Variants in NRG2 observed in about 807,000 individuals in gnomAD.
NRG2 encodes pro-neuregulin-2, membrane-bound isoform.
NRG2 carries 27 observed loss-of-function variants against 73.9 expected under a neutral mutation model. That is an observed-to-expected ratio of 0.37 (90% CI 0.27 to 0.50). The LOEUF (loss-of-function observed/expected upper bound fraction) is 0.50, where lower values mean the gene tolerates loss of function less well. Ranked by LOEUF, NRG2 falls within the 20% of genes least tolerant of loss-of-function variation. NRG2 has a pLI of 0.96. For synonymous variants in NRG2, 532 were observed against 541.0 expected, an observed-to-expected ratio of 0.98 and a Z score of 0.23; for missense variants, 1,126 against 1,210.1, an observed-to-expected ratio of 0.93 and a Z score of 1.03.
chr5:139,849,149 G>GT (rs1156793190), intron 9 of NRG2, among the ~76,000 whole-genome samples: 2 of 152,116 alleles, frequency 1.3e-5, no homozygotes, highest in Non-Finnish European at 1.5e-5. Context: ...CACTCAGAAC[G>GT]TTTAATTCTA....
chr5:139,973,838 C>A (rs1333661134), intron 1 of NRG2, among the ~76,000 whole-genome samples: 2 of 152,112 alleles, frequency 1.3e-5, no homozygotes, highest in African/African-American at 4.8e-5. Context: ...GCCTCACATA[C>A]TTTTAAATGA....
chr5:139,986,169 G>A (rs1757159965), intron 1 of NRG2, among the ~76,000 whole-genome samples: 1 of 152,168 alleles, frequency 6.6e-6, no homozygotes, highest in African/African-American at 2.4e-5. Flanking sequence ...TCTTCATACT[G>A]CACAAGAAGA....
At position 139,898,667 on chromosome 5, in the gene NRG2, C is replaced by T. The variant is rs182646026; in HGVS notation, c.701-11156G>A. 1.6e-3 allele frequency among the ~76,000 whole-genome samples: 250 copies of T among 152,306 alleles called. 1 individual carries two copies. Among genetic ancestry groups the T allele is most frequent in the African/African-American group, 5.9e-3 (244 of 41,554 alleles). ...CTACTGCAGGAGCTCCTGACTGTGC[C>T]GTCCCTTTTCCCATCCTTTCACAAA... On this transcript the variant is annotated intron_variant, in intron 1 of 9. Coordinates refer to ENST00000361474, the MANE Select transcript of NRG2 (RefSeq NM_004883.3).
intron 3 of NRG2, 107 bp downstream of exon 3, chr5:139,880,749 G>T: frequency 1.4e-6 from 1 of 722,076 alleles, no homozygotes; most frequent in South Asian, 1.8e-5. Flanking sequence ...AGGAGGGAGG[G>T]GAGTTGAGTG....
intron 1 of NRG2, among the ~76,000 whole-genome samples, chr5:140,021,174 G>A (rs942643528): frequency 2.0e-4 from 30 of 152,336 alleles, no homozygotes; most frequent in African/African-American, 7.0e-4. Context: ...TGGTAGGTAA[G>A]AAAAGCAAAT....
Position 139,848,014 on chromosome 5 carries a change from CT to C in NRG2, c.2455del (p.Arg819GlyfsTer48). 1 of 1,512,628 alleles carries C rather than the reference CT, an allele frequency of 6.6e-7. No individual in the cohort carries two copies. The highest frequency in any genetic ancestry group is 8.8e-7 in the Non-Finnish European group (1 of 1,135,150). The allele number at this position is 1,512,628 out of a possible 1,614,324, so 93.7% of individuals were successfully genotyped here. On this transcript the variant is annotated frameshift_variant, in exon 10 of 10. Transcript: ENST00000361474. LOFTEE classifies it high-confidence loss of function. Reference sequence around the variant, plus strand: ...GTGGCTGTCCAGTGAGTAGTAAGTCCTGCTGTCGGCCGCCGGGCACAGTGGC... The same window carrying C: ...GTGGCTGTCCAGTGAGTAGTAAGTCCGCTGTCGGCCGCCGGGCACAGTGGC... ...SPPLCPAADS[R>X]TYYSLDSHST...
At chr5:140,026,135 A>T (rs930491757) in intron 1 of NRG2, among the ~76,000 whole-genome samples, 1 of 152,264 alleles carries the variant, frequency 6.6e-6, no homozygotes, top group Non-Finnish European at 1.5e-5. Flanking sequence ...TAAAGGATAC[A>T]AATGTAAAAT....
intron 2 of NRG2, among the ~76,000 whole-genome samples, chr5:139,881,303 G>C (rs1489268981): frequency 6.6e-6 from 1 of 152,196 alleles, no homozygotes; most frequent in Non-Finnish European, 1.5e-5. Context: ...CCTGTAGGAA[G>C]TCACATGGCC....
chr5:139,881,007 G>A (rs768815394), intron 2 of NRG2, 33 bp from the exon 3 acceptor site: 37 of 1,583,274 alleles, frequency 2.3e-5, no homozygotes, highest in Admixed American at 5.0e-5. Flanking sequence ...GGGGAGAGGC[G>A]TGAGCCAGGG....
At chr5:139,859,698 T>C (rs532783738) in intron 5 of NRG2, among the ~76,000 whole-genome samples, 5 of 152,298 alleles carry the variant, frequency 3.3e-5, no homozygotes, top group African/African-American at 1.2e-4. Flanking sequence ...CTTCTGTTCA[T>C]GAGCTTCTTT....
chr5:139,867,070 C>T (rs953394141), intron 4 of NRG2, among the ~76,000 whole-genome samples: 1 of 152,192 alleles, frequency 6.6e-6, no homozygotes, highest in Non-Finnish European at 1.5e-5. Flanking sequence ...ATGTAAACTT[C>T]CTCAAGAGGC....
chr5:139,972,681 A>G (rs1276678003), intron 1 of NRG2, among the ~76,000 whole-genome samples: 1 of 152,202 alleles, frequency 6.6e-6, no homozygotes, highest in Non-Finnish European at 1.5e-5. Flanking sequence ...CCGAGATTGC[A>G]CTACTGCACT....
intron 1 of NRG2, among the ~76,000 whole-genome samples, chr5:139,934,975 G>A (rs1752739795): frequency 6.6e-6 from 1 of 152,114 alleles, no homozygotes; most frequent in African/African-American, 2.4e-5. Context: ...AACCAGCCTG[G>A]CCAAAATGGC....
chr5:139,936,962 C>T (rs1004560021), intron 1 of NRG2, among the ~76,000 whole-genome samples: 110 of 152,216 alleles, frequency 7.2e-4, no homozygotes, highest in African/African-American at 2.5e-3. Flanking sequence ...CCACCACACC[C>T]GGCTAATTTT....
chr5:139,979,037 G>T (rs1182823234), intron 1 of NRG2, among the ~76,000 whole-genome samples: 1 of 138,986 alleles, frequency 7.2e-6, no homozygotes, highest in African/African-American at 2.7e-5. Flanking sequence ...ATTGAACAAT[G>T]AGAATACAAG....
At chr5:140,019,781 TGTGA>T (rs1760077977) in intron 1 of NRG2, among the ~76,000 whole-genome samples, 1 of 151,318 alleles carries the variant, frequency 6.6e-6, no homozygotes. Flanking sequence ...GCTCAATAAA[TGTGA>T]GTGTCTCTTT....
In NRG2 at chr5:139,971,973, A is replaced by C. The variant is rs190895921; in HGVS notation, c.700+70397T>G. Among the ~76,000 whole-genome samples, 512 of 152,322 alleles carry C rather than the reference A, an allele frequency of 3.4e-3. 1 individual carries two copies. Among genetic ancestry groups the C allele is most frequent in the Non-Finnish European group, 5.7e-3 (389 of 68,024 alleles). ...AAAAAAAGAGAACGTGCACTGCCAG[A>C]TACGAAAATGTATTATAAAGCTACA... On this transcript the variant is annotated intron_variant, in intron 1 of 9. Coordinates refer to ENST00000361474, the MANE Select transcript of NRG2 (RefSeq NM_004883.3).
intron 1 of NRG2, among the ~76,000 whole-genome samples, chr5:140,033,793 T>G (rs1427669702): frequency 6.6e-6 from 1 of 152,208 alleles, no homozygotes; most frequent in African/African-American, 2.4e-5. Context: ...TGGTTAATAA[T>G]TAACATTTTT....
chr5:139,907,545 C>G (rs1380380499), intron 1 of NRG2, among the ~76,000 whole-genome samples: 6 of 152,286 alleles, frequency 3.9e-5, no homozygotes, highest in African/African-American at 1.2e-4. Context: ...AAAAATGGCT[C>G]AAACTGGGGG....
Sources: gnomAD v4.1 joint callset for allele counts (sites outside exome capture counted in the v4.1 genomes callset) on GRCh38, gnomAD v4.1.1 for gene constraint, MANE v1.5 for transcripts, NCBI Gene and HGNC (gene_info 2026-07-23, HGNC 2026-07-21) for gene names.